GLCE: variants seen among roughly 807,000 people sequenced by gnomAD.
GLCE encodes D-glucuronyl C5-epimerase.
A neutral mutation model predicts 47.9 loss-of-function variants in GLCE; 19 were observed. That is an observed-to-expected ratio of 0.40 (90% CI 0.28 to 0.58). GLCE has a LOEUF of 0.58. Ranked by LOEUF, GLCE falls within the 20% of genes least tolerant of loss-of-function variation. The pLI, the probability that GLCE is intolerant of heterozygous loss-of-function variation, is 0.48. For missense variants in GLCE, 556 were observed against 743.3 expected (o/e 0.75, Z 2.93); for synonymous variants, 245 against 263.4 (o/e 0.93, Z 0.68).
intron 1 of GLCE, among the ~76,000 whole-genome samples, chr15:69,188,309 G>A (rs1442463011): frequency 6.6e-6 from 1 of 152,116 alleles, no homozygotes; most frequent in Non-Finnish European, 1.5e-5. Context: ...CATATTGTTG[G>A]ATTTGATTTA....
rs183300796 is a variant in GLCE, at chr15:69,225,919, C to T, written c.-14+15513C>T. Among the ~76,000 whole-genome samples, 88 of 152,222 alleles carry T rather than the reference C, an allele frequency of 5.8e-4. 1 individual carries two copies. The highest frequency in any genetic ancestry group is 3.7e-3 in the Admixed American group (56 of 15,286). On this transcript the variant is annotated intron_variant, in intron 2 of 4. Coordinates refer to ENST00000261858, the MANE Select transcript of GLCE (RefSeq NM_015554.3). ...GAAAAAAACAGCTAAAAGCCTACAT[C>T]CTTAACTTCTATGTTATACTGCCTC...
At position 69,255,858 on chromosome 15, in the gene GLCE, G is replaced by A. The variant is rs138637994; in HGVS notation, c.52G>A (p.Ala18Thr). The part of the protein sequence containing the change: ...VNYKTLIIIC[A>T]LFTLVTVLLW... ...CTATAAGACTTTGATTATTATCTGC[G>A]CACTCTTCACTTTGGTCACAGTACT... is the stretch of plus-strand genomic sequence containing the variant. The change falls in exon 3 of 5, where the codon GCA becomes ACA. Residue 18 changes from alanine to threonine, a missense_variant. By Grantham distance (58) the Ala-to-Thr change is moderately conservative. Around this residue, in one of 3 missense-constraint regions of GLCE, gnomAD observed 237 missense variants for 310.9 expected, o/e 0.76. Transcript: ENST00000261858. 9.3e-6 allele frequency: 15 copies of A among 1,613,724 alleles called. No individual in the cohort carries two copies. In the African/African-American group the frequency reaches 1.1e-4, roughly 11 times the overall value.
chr15:69,189,605 T>C (rs1431922910), intron 1 of GLCE, among the ~76,000 whole-genome samples: 1 of 152,244 alleles, frequency 6.6e-6, no homozygotes, highest in African/African-American at 2.4e-5. Context: ...ACTGCCAAAC[T>C]GTCTTCCAAA....
intron 1 of GLCE, among the ~76,000 whole-genome samples, chr15:69,173,046 G>A (rs935392976): frequency 5.9e-5 from 9 of 152,184 alleles, no homozygotes; most frequent in African/African-American, 2.2e-4. Context: ...AGAGGTGTGT[G>A]CCTGGGTGTG....
At chr15:69,258,562 T>C (rs905570637) in intron 3 of GLCE, among the ~76,000 whole-genome samples, 1 of 152,156 alleles carries the variant, frequency 6.6e-6, no homozygotes, top group African/African-American at 2.4e-5. Context: ...CCAGGTTTTT[T>C]ATGTTTTTTA....
At chr15:69,238,776 CA>C (rs996155828) in intron 2 of GLCE, among the ~76,000 whole-genome samples, 1 of 152,042 alleles carries the variant, frequency 6.6e-6, no homozygotes, top group Non-Finnish European at 1.5e-5. Context: ...AACATGGCGA[CA>C]AAATACATGC....
At chr15:69,198,132 C>G (rs574047712) in intron 1 of GLCE, among the ~76,000 whole-genome samples, 5 of 152,130 alleles carry the variant, frequency 3.3e-5, no homozygotes, top group Admixed American at 2.6e-4. Context: ...TTAAAAAACC[C>G]TGCATGTGGC....
chr15:69,162,148 T>C (rs1443380593), intron 1 of GLCE, among the ~76,000 whole-genome samples: 1 of 152,178 alleles, frequency 6.6e-6, no homozygotes, highest in Non-Finnish European at 1.5e-5. Flanking sequence ...GCAAAAACGT[T>C]TTCTGTGACC....
At chr15:69,236,864 CT>C (rs2052599640) in intron 2 of GLCE, among the ~76,000 whole-genome samples, 1 of 152,124 alleles carries the variant, frequency 6.6e-6, no homozygotes, top group South Asian at 2.1e-4. Context: ...GGTAATACCA[CT>C]TTGTAGTTAT....
At chr15:69,245,377 CT>C (rs1229883625) in intron 2 of GLCE, among the ~76,000 whole-genome samples, 6 of 145,128 alleles carry the variant, frequency 4.1e-5, no homozygotes, top group Non-Finnish European at 9.1e-5. Flanking sequence ...TTTAAAAATA[CT>C]TCATTGCTTA....
intron 2 of GLCE, among the ~76,000 whole-genome samples, chr15:69,236,797 A>G (rs1290876044): frequency 6.6e-6 from 1 of 152,212 alleles, no homozygotes; most frequent in Non-Finnish European, 1.5e-5. Context: ...AAGAAAAGCT[A>G]GTAAGTGATT....
At chr15:69,177,822 G>A (rs575688551) in intron 1 of GLCE, among the ~76,000 whole-genome samples, 1 of 152,078 alleles carries the variant, frequency 6.6e-6, no homozygotes, top group African/African-American at 2.4e-5. Flanking sequence ...TGATTGTTTT[G>A]TATTTTCTAG....
intron 2 of GLCE, among the ~76,000 whole-genome samples, chr15:69,218,149 C>CAAAAAAA (rs773040702): frequency 1.8e-5 from 1 of 54,606 alleles, no homozygotes; most frequent in African/African-American, 6.8e-5. Context: ...GAGACTGTCT[C>CAAAAAAA]AAAAAAAAAA....
At chr15:69,180,519 T>G (rs1395713319) in intron 1 of GLCE, among the ~76,000 whole-genome samples, 1 of 152,196 alleles carries the variant, frequency 6.6e-6, no homozygotes, top group African/African-American at 2.4e-5. Context: ...GAAAATTCAC[T>G]GATAAGGTGA....
intron 3 of GLCE, among the ~76,000 whole-genome samples, chr15:69,256,820 A>T (rs912831670): frequency 2.0e-4 from 31 of 152,216 alleles, no homozygotes; most frequent in African/African-American, 7.5e-4. Context: ...AAGTCTTCAG[A>T]ACAAGACAAT....
intron 2 of GLCE, among the ~76,000 whole-genome samples, chr15:69,212,868 G>A (rs2052251688): frequency 6.6e-6 from 1 of 152,046 alleles, no homozygotes; most frequent in Non-Finnish European, 1.5e-5. Context: ...ATAGGAGACA[G>A]TGTTAAAAAT....
intron 1 of GLCE, among the ~76,000 whole-genome samples, chr15:69,182,385 A>G (rs926895585): frequency 1.4e-5 from 2 of 144,118 alleles, no homozygotes; most frequent in Non-Finnish European, 3.1e-5. Context: ...ATTGCGCTGA[A>G]AGAGAGAGAG....
chr15:69,165,505 CT>C (rs1172987241), intron 1 of GLCE, among the ~76,000 whole-genome samples: 1,358 of 84,630 alleles, frequency 0.016, 14 homozygotes, highest in South Asian at 0.048. Flanking sequence ...GCACTGTCTG[CT>C]TTTTTTTTTT....
At chr15:69,237,141 A>C (rs2052603600) in intron 2 of GLCE, among the ~76,000 whole-genome samples, 1 of 152,192 alleles carries the variant, frequency 6.6e-6, no homozygotes, top group Non-Finnish European at 1.5e-5. Context: ...TTGCAAGTAG[A>C]ATTTGCAGTA....
Sources: gnomAD v4.1 joint callset for allele counts (sites outside exome capture counted in the v4.1 genomes callset) on GRCh38, gnomAD v4.1.1 for gene constraint, gnomAD v4.1.1 regional missense constraint, MANE v1.5 for transcripts, NCBI Gene and HGNC (gene_info 2026-07-23, HGNC 2026-07-21) for gene names.